Variants in NRXN3 observed in about 807,000 individuals in gnomAD.
The protein encoded by NRXN3 is neurexin III.
A neutral mutation model predicts 137.6 loss-of-function variants in NRXN3; 32 were observed. That is an observed-to-expected ratio of 0.23 (90% CI 0.18 to 0.31). The LOEUF (loss-of-function observed/expected upper bound fraction) is 0.31, where lower values mean the gene tolerates loss of function less well. NRXN3 is among the 10% of genes least tolerant of loss of function. The pLI is 1.00. For missense variants in NRXN3, 1,574 were observed against 2,062.5 expected, an observed-to-expected ratio of 0.76 and a Z score of 4.59; for synonymous variants, 798 against 784.5, an observed-to-expected ratio of 1.02 and a Z score of -0.29.
At chr14:79,204,850 A>T (rs1268668333) in intron 15 of NRXN3, among the ~76,000 whole-genome samples, 1 of 152,128 alleles carries the variant, frequency 6.6e-6, no homozygotes, top group African/African-American at 2.4e-5. Context: ...TGCTTTTTGG[A>T]CAGTACTGAA....
chr14:79,307,310 A>G (rs886154413), intron 15 of NRXN3, among the ~76,000 whole-genome samples: 64 of 152,122 alleles, frequency 4.2e-4, no homozygotes, highest in Non-Finnish European at 4.9e-4. Context: ...TAAGGTTTTA[A>G]CCATCATATT....
intron 15 of NRXN3, among the ~76,000 whole-genome samples, chr14:79,287,642 A>C (rs1159600866): frequency 6.6e-6 from 1 of 152,192 alleles, no homozygotes; most frequent in East Asian, 1.9e-4. Flanking sequence ...GCACAATATT[A>C]TGCCAGAACT....
chr14:79,165,523 TC>T (rs1169884425), intron 15 of NRXN3, among the ~76,000 whole-genome samples: 1 of 151,980 alleles, frequency 6.6e-6, no homozygotes, highest in Non-Finnish European at 1.5e-5. Context: ...AACTTCCTGA[TC>T]TGGTTACTGG....
chr14:78,515,477 T>C (rs2096189883), intron 4 of NRXN3, among the ~76,000 whole-genome samples: 1 of 152,160 alleles, frequency 6.6e-6, no homozygotes. Flanking sequence ...CTTTCCCAGA[T>C]ACTCCCTCCT....
intron 19 of NRXN3, among the ~76,000 whole-genome samples, chr14:79,731,053 A>C (rs1262472648): frequency 6.6e-6 from 1 of 152,228 alleles, no homozygotes; most frequent in Admixed American, 6.5e-5. Flanking sequence ...TCCCTATTAC[A>C]GGAAGACACT....
chr14:78,276,540 T>C (rs2073621901), intron 2 of NRXN3, among the ~76,000 whole-genome samples: 1 of 152,216 alleles, frequency 6.6e-6, no homozygotes, highest in Non-Finnish European at 1.5e-5. Context: ...TTTAATCTCA[T>C]TTAATTCTCA....
intron 20 of NRXN3, among the ~76,000 whole-genome samples, chr14:79,826,487 CAT>C (rs2099302062): frequency 2.6e-5 from 4 of 152,288 alleles, no homozygotes; most frequent in South Asian, 4.1e-4. Flanking sequence ...GCATACAAAA[CAT>C]ATTTATGTAG....
intron 15 of NRXN3, among the ~76,000 whole-genome samples, chr14:79,404,913 A>G (rs1440214777): frequency 2.6e-5 from 4 of 152,178 alleles, no homozygotes; most frequent in Non-Finnish European, 1.5e-5. Flanking sequence ...ACACATATGC[A>G]CACAGATAAA....
At chr14:78,988,306 G>T in intron 15 of NRXN3, 165 bp downstream of exon 15, 1 of 810,506 alleles carries the variant, frequency 1.2e-6, no homozygotes, top group South Asian at 1.5e-5. Context: ...TGAGAAGAGT[G>T]AAGAGATGTG....
intron 16 of NRXN3, among the ~76,000 whole-genome samples, chr14:79,634,555 A>C (rs1352021011): frequency 6.6e-6 from 1 of 152,196 alleles, no homozygotes; most frequent in African/African-American, 2.4e-5. Flanking sequence ...AGAACTGTAA[A>C]ACTCACAGAA....
At chr14:79,550,728 A>G (rs2097365470) in intron 16 of NRXN3, among the ~76,000 whole-genome samples, 1 of 152,132 alleles carries the variant, frequency 6.6e-6, no homozygotes, top group Admixed American at 6.6e-5. Context: ...TCACCTGGAC[A>G]GGGGCACCCA....
intron 8 of NRXN3, among the ~76,000 whole-genome samples, chr14:78,775,391 G>A (rs1595742175): frequency 6.6e-6 from 1 of 152,182 alleles, no homozygotes; most frequent in East Asian, 1.9e-4. Flanking sequence ...GGCCCATAGG[G>A]CACATGTGGC....
At chr14:79,853,520 G>T in intron 20 of NRXN3, 1 of 1,339,638 alleles carries the variant, frequency 7.5e-7, no homozygotes, top group Non-Finnish European at 9.9e-7. Flanking sequence ...TTTGTATATT[G>T]CCCATCCCTT....
At chr14:79,202,477 A>G (rs2066178881) in intron 15 of NRXN3, among the ~76,000 whole-genome samples, 1 of 151,996 alleles carries the variant, frequency 6.6e-6, no homozygotes. Flanking sequence ...TGGTGCACCC[A>G]TTCCCCAAGC....
rs78763513 is a variant in NRXN3, at chr14:78,309,688, A to G, written c.757+11828A>G. 7.7e-3 allele frequency among the ~76,000 whole-genome samples: 1,172 copies of G among 152,272 alleles called. 12 individuals are homozygous for G. Among genetic ancestry groups the G allele is most frequent in the African/African-American group, 0.027 (1,128 of 41,568 alleles). On this transcript the variant is annotated intron_variant, in intron 4 of 20. Transcript: ENST00000335750. ...GAAGGAAAATGTACATTTCAAAGTT[A>G]CCAAAATTTATTTGACATGAAACGC...
intron 16 of NRXN3, among the ~76,000 whole-genome samples, chr14:79,488,146 C>T (rs2096674963): frequency 6.6e-6 from 1 of 152,118 alleles, no homozygotes; most frequent in South Asian, 2.1e-4. Context: ...GCTGCAGTGA[C>T]CTTACCTAAA....
chr14:79,809,347 C>T (rs2099223078), intron 20 of NRXN3, among the ~76,000 whole-genome samples: 1 of 152,170 alleles, frequency 6.6e-6, no homozygotes. Flanking sequence ...CCATGTTGGC[C>T]AGGCTGGTCT....
At chr14:78,476,526 TAAG>T (rs111949322) in intron 4 of NRXN3, among the ~76,000 whole-genome samples, 12,395 of 152,126 alleles carry the variant, frequency 0.081, 713 homozygotes, top group East Asian at 0.31. Flanking sequence ...TTAGAATAAT[TAAG>T]AAGAGAAATA....
chr14:79,720,527 A>G (rs761993899), intron 19 of NRXN3, among the ~76,000 whole-genome samples: 32 of 152,080 alleles, frequency 2.1e-4, no homozygotes, highest in Non-Finnish European at 4.1e-4. Flanking sequence ...TTTCCTACCA[A>G]TCAGCGGTTG....
Sources: gnomAD v4.1 joint callset for allele counts (sites outside exome capture counted in the v4.1 genomes callset) on GRCh38, gnomAD v4.1.1 for gene constraint, MANE v1.5 for transcripts, NCBI Gene and HGNC (gene_info 2026-07-23, HGNC 2026-07-21) for gene names.